Variants in KCNQ5 observed in about 807,000 individuals in gnomAD.
KCNQ5 encodes potassium voltage-gated channel subfamily Q member 5, also known as potassium voltage-gated channel subfamily KQT member 5.
Under a neutral mutation model 98.2 loss-of-function variants are expected in KCNQ5, and 30 were observed. The observed-to-expected ratio is 0.31, with a 90% CI of 0.23 to 0.41. KCNQ5 has a LOEUF of 0.41. KCNQ5 is among the 10% of genes least tolerant of loss of function. The pLI is 1.00. For synonymous variants in KCNQ5, 458 were observed against 449.4 expected (o/e 1.02, Z -0.24); for missense variants, 835 against 1,182.5 (o/e 0.71, Z 4.31).
intron 1 of KCNQ5, among the ~76,000 whole-genome samples, chr6:72,626,397 T>G (rs17692055): frequency 0.04 from 6,072 of 152,234 alleles, 137 homozygotes; most frequent in Middle Eastern, 0.12. Context: ...ATCAGCACAG[T>G]AATTCTAGGT....
At chr6:72,655,049 T>C (rs1298238596) in intron 1 of KCNQ5, among the ~76,000 whole-genome samples, 1,916 of 148,402 alleles carry the variant, frequency 0.013, 66 homozygotes, top group African/African-American at 0.042. Flanking sequence ...TCTTTCTTTC[T>C]TTCTTTCTTT....
chr6:72,786,825 T>A (rs2154478067), intron 1 of KCNQ5, among the ~76,000 whole-genome samples: 1 of 151,266 alleles, frequency 6.6e-6, no homozygotes, highest in Non-Finnish European at 1.5e-5. Flanking sequence ...GCTAACACAG[T>A]GAAACCCCAT....
chr6:73,004,016 A>G lies in KCNQ5; in HGVS notation c.489+18A>G. ...TGATCCTGGTAAGTGAAACATGAAC[A>G]AGAACGTACATGAATGTTGTATAAG... On this transcript the variant is annotated intron_variant, in intron 2 of 13. Coordinates refer to ENST00000370398, the MANE Select transcript of KCNQ5 (RefSeq NM_019842.4). 1 of 1,409,604 alleles carries G rather than the reference A, an allele frequency of 7.1e-7. No individual in the cohort carries two copies. Among genetic ancestry groups the G allele is most frequent in the Non-Finnish European group, 1.0e-6 (1 of 994,118 alleles). The allele number at this position is 1,409,604 out of a possible 1,614,324, so 87.3% of individuals were successfully genotyped here.
At chr6:73,080,558 T>C (rs1157940323) in intron 5 of KCNQ5, among the ~76,000 whole-genome samples, 1 of 152,182 alleles carries the variant, frequency 6.6e-6, no homozygotes, top group East Asian at 1.9e-4. Flanking sequence ...CTATTATACC[T>C]TTTATTTATA....
intron 1 of KCNQ5, among the ~76,000 whole-genome samples, chr6:72,959,527 A>T (rs1767238129): frequency 6.6e-6 from 1 of 152,198 alleles, no homozygotes; most frequent in Non-Finnish European, 1.5e-5. Flanking sequence ...CCAGTTGTGG[A>T]TATCATGAAA....
At chr6:72,967,899 T>A (rs1048870160) in intron 1 of KCNQ5, 1 of 153,096 alleles carries the variant, frequency 6.5e-6, no homozygotes, top group African/African-American at 2.4e-5. Flanking sequence ...ACCTGACCCA[T>A]TTTCTCCTTC....
At chr6:72,832,528 C>T (rs2350088) in intron 1 of KCNQ5, among the ~76,000 whole-genome samples, 17,119 of 152,150 alleles carry the variant, frequency 0.11, 1,550 homozygotes, top group East Asian at 0.42. Context: ...AAAATGTCAA[C>T]AGTGCCAAGG....
At chr6:72,759,892 G>A (rs1438061856) in intron 1 of KCNQ5, among the ~76,000 whole-genome samples, 1 of 151,912 alleles carries the variant, frequency 6.6e-6, no homozygotes, top group African/African-American at 2.4e-5. Context: ...ACACGCTCTG[G>A]CCTATTTTTC....
chr6:72,980,870 G>GTTTTTAGCATGAAA (rs1768407424), intron 1 of KCNQ5, among the ~76,000 whole-genome samples: 1 of 152,070 alleles, frequency 6.6e-6, no homozygotes, highest in African/African-American at 2.4e-5. Flanking sequence ...TTTATTGAGA[G>GTTTTTAGCATGAAA]GGCTGTTGAA....
At chr6:72,689,120 A>C (rs775859057) in intron 1 of KCNQ5, among the ~76,000 whole-genome samples, 1 of 152,218 alleles carries the variant, frequency 6.6e-6, no homozygotes, top group African/African-American at 2.4e-5. Flanking sequence ...TTGAGGTTTA[A>C]AGTAAATGAA....
chr6:72,849,690 G>A (rs990121838), intron 1 of KCNQ5, among the ~76,000 whole-genome samples: 1 of 152,108 alleles, frequency 6.6e-6, no homozygotes, highest in Non-Finnish European at 1.5e-5. Flanking sequence ...ATGTATCAAT[G>A]TTTCTTTCCA....
intron 1 of KCNQ5, among the ~76,000 whole-genome samples, chr6:72,797,928 A>G (rs531687396): frequency 1.3e-5 from 2 of 152,310 alleles, no homozygotes; most frequent in Admixed American, 6.5e-5. Flanking sequence ...AAATATGAAT[A>G]TCACCATGTG....
intron 1 of KCNQ5, among the ~76,000 whole-genome samples, chr6:72,794,327 A>G (rs1774212951): frequency 6.6e-6 from 1 of 152,012 alleles, no homozygotes; most frequent in Non-Finnish European, 1.5e-5. Flanking sequence ...AAAACTTTAA[A>G]GTGAACCAAA....
intron 1 of KCNQ5, among the ~76,000 whole-genome samples, chr6:72,709,786 C>A (rs1238091976): frequency 1.3e-5 from 2 of 151,974 alleles, no homozygotes; most frequent in Non-Finnish European, 2.9e-5. Context: ...AATCAAATAA[C>A]CATGCAAATA....
In KCNQ5 at chr6:72,740,929, T is replaced by A. The variant is rs147251404; in HGVS notation, c.398+118342T>A. Among the ~76,000 whole-genome samples, 17 of 152,266 alleles carry A rather than the reference T, an allele frequency of 1.1e-4. No homozygotes were observed. In the East Asian group the frequency reaches 2.5e-3, roughly 23 times the overall value. ...TTTTGGGAGGGAGACCTAGGAATTGTTCTGAGTTGTTCACTGTGTTTGCAG... is the reference window on the plus strand; with the variant it reads ...TTTTGGGAGGGAGACCTAGGAATTGATCTGAGTTGTTCACTGTGTTTGCAG... On this transcript the variant is annotated intron_variant, in intron 1 of 13. Coordinates refer to ENST00000370398, the MANE Select transcript of KCNQ5 (RefSeq NM_019842.4).
intron 1 of KCNQ5, among the ~76,000 whole-genome samples, chr6:72,957,587 T>C (rs986094798): frequency 6.6e-6 from 1 of 152,172 alleles, no homozygotes; most frequent in East Asian, 1.9e-4. Flanking sequence ...CTGATGATTC[T>C]AATATGCAGC....
In KCNQ5 at chr6:73,157,942, G is replaced by C. The variant is rs117242753; in HGVS notation, c.1469-11804G>C. 4,228 of 770,642 alleles carry C rather than the reference G, an allele frequency of 5.5e-3. 15 individuals are homozygous for C. The highest frequency in any genetic ancestry group is 7.2e-3 in the Non-Finnish European group (2,987 of 413,918). The allele number at this position is 770,642 out of a possible 1,614,324, so 47.7% of individuals were successfully genotyped here. On this transcript the variant is annotated intron_variant, in intron 10 of 13. Coordinates refer to ENST00000370398, the MANE Select transcript of KCNQ5 (RefSeq NM_019842.4). Reference sequence around the variant, plus strand: ...GCTGTCAAAGATCACAAAACAGGCTGTCTCGCGGTGAGCTTGAGTAGGGAC... The same window carrying C: ...GCTGTCAAAGATCACAAAACAGGCTCTCTCGCGGTGAGCTTGAGTAGGGAC...
At chr6:73,010,735 C>A (rs555513257) in intron 2 of KCNQ5, among the ~76,000 whole-genome samples, 10 of 150,788 alleles carry the variant, frequency 6.6e-5, no homozygotes, top group Admixed American at 5.3e-4. Context: ...ATTTTACCAA[C>A]AATGAAGAAT....
At chr6:72,779,654 T>C (rs1184617641) in intron 1 of KCNQ5, among the ~76,000 whole-genome samples, 2 of 152,060 alleles carry the variant, frequency 1.3e-5, no homozygotes, top group Non-Finnish European at 2.9e-5. Flanking sequence ...GCATTTTGTT[T>C]TTTGTTTTCA....
Sources: allele counts gnomAD v4.1 joint callset (sites outside exome capture counted in the v4.1 genomes callset), GRCh38; gene constraint gnomAD v4.1.1; transcripts MANE v1.5; gene names NCBI Gene and HGNC (gene_info 2026-07-23, HGNC 2026-07-21).